The following CSMD3 variants were observed in gnomAD, a reference collection of about 807,000 sequenced individuals.
CSMD3 encodes CUB and sushi domain-containing protein 3.
In CSMD3, 177 loss-of-function variants were observed where a neutral mutation model predicts 435.2. The ratio of observed to expected loss-of-function variants is 0.41; its 90% CI spans 0.36 to 0.46. The LOEUF (loss-of-function observed/expected upper bound fraction) is 0.46. CSMD3 is among the 20% of genes least tolerant of loss of function. The pLI is 0.34. For missense variants in CSMD3, 4,265 were observed against 4,504.6 expected, an observed-to-expected ratio of 0.95 and a Z score of 1.52; for synonymous variants, 1,656 against 1,520.5, an observed-to-expected ratio of 1.09 and a Z score of -2.07.
Position 112,272,779 on chromosome 8 carries a change from A to G in CSMD3, c.9509-7189T>C, listed in dbSNP as rs988919478. On this transcript the variant is annotated intron_variant, in intron 59 of 70. Coordinates refer to ENST00000297405, the MANE Select transcript of CSMD3 (RefSeq NM_198123.2). ...TTCTAATTTAATTTGATTACCACATATAAACACTATCACTATGCTAGATTC... is the reference window on the plus strand; with the variant it reads ...TTCTAATTTAATTTGATTACCACATGTAAACACTATCACTATGCTAGATTC... 2.6e-4 allele frequency among the ~76,000 whole-genome samples: 40 copies of G among 152,200 alleles called. 1 individual carries two copies. Among genetic ancestry groups the G allele is most frequent in the Non-Finnish European group, 5.9e-5 (4 of 68,026 alleles).
intron 50 of CSMD3, chr8:112,310,742 G>C (rs1445547224): frequency 3.0e-5 from 18 of 592,298 alleles, no homozygotes; most frequent in East Asian, 9.2e-5. Flanking sequence ...ATGTATACAA[G>C]GGGAAAAAGT....
chr8:112,225,392 A>T (rs552098856), intron 70 of CSMD3, among the ~76,000 whole-genome samples: 10 of 152,220 alleles, frequency 6.6e-5, no homozygotes, highest in African/African-American at 2.2e-4. Flanking sequence ...GGGAGTTCAC[A>T]TTGTAGTGAT....
At chr8:113,303,083 G>A in intron 2 of CSMD3, among the ~76,000 whole-genome samples, 1 of 133,672 alleles carries the variant, frequency 7.5e-6, no homozygotes, top group Non-Finnish European at 1.6e-5. Context: ...CAAAATCAAT[G>A]TACAAAAATC....
At chr8:112,660,688 T>C (rs1188679199) in intron 17 of CSMD3, among the ~76,000 whole-genome samples, 1 of 152,156 alleles carries the variant, frequency 6.6e-6, no homozygotes, top group Non-Finnish European at 1.5e-5. Context: ...TTTGGAAGAA[T>C]TTGGGACTTA....
At chr8:113,231,236 T>C (rs917045618) in intron 3 of CSMD3, among the ~76,000 whole-genome samples, 1 of 151,396 alleles carries the variant, frequency 6.6e-6, no homozygotes, top group Non-Finnish European at 1.5e-5. Flanking sequence ...TCAGTTTGTG[T>C]TTTTGTTATA....
intron 13 of CSMD3, among the ~76,000 whole-genome samples, chr8:112,756,175 T>C (rs2077693789): frequency 6.6e-6 from 1 of 152,144 alleles, no homozygotes; most frequent in African/African-American, 2.4e-5. Flanking sequence ...CAGGACTCCG[T>C]TCTGGGTATG....
chr8:112,900,978 C>G (rs1434042861), intron 10 of CSMD3, among the ~76,000 whole-genome samples: 1 of 151,218 alleles, frequency 6.6e-6, no homozygotes, highest in South Asian at 2.1e-4. Flanking sequence ...AACAGTCTGG[C>G]AGTCAGTCTC....
At chr8:113,092,433 C>T (rs182988536) in intron 5 of CSMD3, among the ~76,000 whole-genome samples, 2 of 152,158 alleles carry the variant, frequency 1.3e-5, no homozygotes, top group African/African-American at 4.8e-5. Context: ...CACCTTTTCT[C>T]CTTTTCTTTC....
At chr8:112,873,704 G>A (rs1004231696) in intron 10 of CSMD3, among the ~76,000 whole-genome samples, 2 of 151,972 alleles carry the variant, frequency 1.3e-5, no homozygotes, top group African/African-American at 2.4e-5. Flanking sequence ...TTGTGTAGAG[G>A]ATTTTATAGT....
intron 36 of CSMD3, among the ~76,000 whole-genome samples, chr8:112,388,569 G>A (rs1830155099): frequency 6.6e-6 from 1 of 152,090 alleles, no homozygotes; most frequent in African/African-American, 2.4e-5. Flanking sequence ...CACTGAGAAA[G>A]TTCTATAGTT....
intron 11 of CSMD3, among the ~76,000 whole-genome samples, chr8:112,856,144 T>A (rs1480081588): frequency 6.6e-6 from 1 of 151,914 alleles, no homozygotes; most frequent in East Asian, 1.9e-4. Flanking sequence ...CTTGCTGTTA[T>A]AAAGAAACCC....
At position 112,549,389 on chromosome 8, in the gene CSMD3, A is replaced by G. The variant is rs115783389; in HGVS notation, c.4564+1282T>C. Among the ~76,000 whole-genome samples, 658 of 152,128 alleles carry G rather than the reference A, an allele frequency of 4.3e-3. 3 individuals carry two copies. The highest frequency in any genetic ancestry group is 0.015 in the African/African-American group (615 of 41,558). The stretch of plus-strand genomic sequence containing the variant: ...TTCCATTTTCTCAAAATATATATTT[A>G]AAGTGCAAATTTAGAGATATTGACT... On this transcript the variant is annotated intron_variant, in intron 27 of 70. Transcript: ENST00000297405.
chr8:112,731,221 G>A (rs1379871400), intron 13 of CSMD3, among the ~76,000 whole-genome samples: 1 of 152,074 alleles, frequency 6.6e-6, no homozygotes, highest in African/African-American at 2.4e-5. Flanking sequence ...TACACTAAAA[G>A]GAAAGTAAGT....
At chr8:112,357,656 C>T (rs976605854) in intron 38 of CSMD3, among the ~76,000 whole-genome samples, 2 of 152,108 alleles carry the variant, frequency 1.3e-5, no homozygotes, top group African/African-American at 4.8e-5. Flanking sequence ...AGCCTAGGGA[C>T]TTGATGACCT....
At chr8:112,341,257 G>A (rs1479061026) in intron 42 of CSMD3, among the ~76,000 whole-genome samples, 1 of 151,844 alleles carries the variant, frequency 6.6e-6, no homozygotes, top group East Asian at 1.9e-4. Flanking sequence ...CCAGTTTCAT[G>A]GTTAGGATTT....
intron 5 of CSMD3, among the ~76,000 whole-genome samples, chr8:113,086,281 T>A (rs772837633): frequency 1.7e-4 from 26 of 149,164 alleles, no homozygotes; most frequent in Admixed American, 3.3e-4. Flanking sequence ...AACCAGTACA[T>A]CAAAAATTCC....
At chr8:113,033,197 GT>G (rs1282844693) in intron 5 of CSMD3, among the ~76,000 whole-genome samples, 1 of 151,684 alleles carries the variant, frequency 6.6e-6, no homozygotes, top group Non-Finnish European at 1.5e-5. Flanking sequence ...TAGTGGAGCT[GT>G]GAGAAGAGGG....
chr8:113,209,364 G>T (rs1319183538), intron 3 of CSMD3, among the ~76,000 whole-genome samples: 3 of 152,080 alleles, frequency 2.0e-5, no homozygotes. Context: ...TTAAAGGTAT[G>T]AGTCATTCCA....
chr8:112,341,482 T>G lies in CSMD3; in HGVS notation c.6647A>C (p.Tyr2216Ser). 6.3e-7 allele frequency: 1 copy of G among 1,589,982 alleles called. No individual in the cohort carries two copies. The highest frequency in any genetic ancestry group is 8.6e-7 in the Non-Finnish European group (1 of 1,158,200). The change falls in exon 42 of 71, where the codon TAC (tyrosine) becomes TCC (serine). Residue 2216 changes from tyrosine to serine, a missense_variant. By Grantham distance (144) the Tyr-to-Ser change is moderately radical. This residue lies in a region of CSMD3 where 3,255 missense variants were observed against 3,380.2 expected (regional missense o/e 0.96). Coordinates refer to ENST00000297405, the MANE Select transcript of CSMD3 (RefSeq NM_198123.2). ...SQNKQGFHIVYQAYQLQSCPD... is the reference protein window; with the variant it reads ...SQNKQGFHIVSQAYQLQSCPD... Reference sequence around the variant, plus strand: ...TTTTTTATTATTTCTCTTACCTTGGTATACAATATGAAACCCTTGTTTGTT... The same window carrying G: ...TTTTTTATTATTTCTCTTACCTTGGGATACAATATGAAACCCTTGTTTGTT...
Sources: allele counts gnomAD v4.1 joint callset (sites outside exome capture counted in the v4.1 genomes callset), GRCh38; gene constraint gnomAD v4.1.1; regional missense constraint gnomAD v4.1.1; transcripts MANE v1.5; gene names NCBI Gene and HGNC (gene_info 2026-07-23, HGNC 2026-07-21).